Variants in TNIK observed in about 807,000 individuals in gnomAD.
The protein encoded by TNIK is TRAF2 and NCK interacting kinase, also known as TRAF2 and NCK-interacting protein kinase.
TNIK carries 49 observed loss-of-function variants against 191.3 expected under a neutral mutation model. The ratio of observed to expected loss-of-function variants is 0.26; its 90% CI spans 0.20 to 0.32. The LOEUF (loss-of-function observed/expected upper bound fraction) is 0.32. TNIK is among the 10% of genes least tolerant of loss of function. The pLI is 1.00. For synonymous variants in TNIK, 594 were observed against 600.9 expected, an observed-to-expected ratio of 0.99 and a Z score of 0.17; for missense variants, 1,155 against 1,702.3, an observed-to-expected ratio of 0.68 and a Z score of 5.66.
intron 12 of TNIK, among the ~76,000 whole-genome samples, chr3:171,141,664 T>G (rs1730856716): frequency 7.7e-6 from 1 of 130,128 alleles, no homozygotes. Context: ...AAACATCCTG[T>G]GCAAGGCACA....
Position 171,212,666 on chromosome 3 carries a change from G to A in TNIK, c.181-1425C>T, listed in dbSNP as rs538724335. Among the ~76,000 whole-genome samples, 7 of 152,280 alleles carry A rather than the reference G, an allele frequency of 4.6e-5. No individual in the cohort carries two copies. In the South Asian group the frequency reaches 8.3e-4, roughly 18 times the overall value. The stretch of plus-strand genomic sequence containing the variant: ...CTCTCCTTATCAGTCGGTAAGAACC[G>A]TAAACTCAGGAATCCTCCCTGTTTT... On this transcript the variant is annotated intron_variant, in intron 3 of 32. Transcript: ENST00000436636.
intron 2 of TNIK, among the ~76,000 whole-genome samples, chr3:171,351,503 A>T: frequency 6.6e-6 from 1 of 152,178 alleles, no homozygotes; most frequent in East Asian, 1.9e-4. Flanking sequence ...GTTGTTTTTG[A>T]GAGGAAAAGA....
intron 3 of TNIK, among the ~76,000 whole-genome samples, chr3:171,214,424 A>G (rs1346034915): frequency 6.6e-6 from 1 of 152,208 alleles, no homozygotes; most frequent in Non-Finnish European, 1.5e-5. Context: ...ACCTATCAGA[A>G]TTGCCACCCA....
In TNIK at chr3:171,232,740, G is replaced by C. The variant is rs146077905; in HGVS notation, c.124-4519C>G. On this transcript the variant is annotated intron_variant, in intron 2 of 32. Coordinates refer to ENST00000436636, the MANE Select transcript of TNIK (RefSeq NM_015028.4). ...TCAGACACACTTAAGAACCTACTCT[G>C]CTCCCCTCTTCCCTTCTTCTCCCTC... Among the ~76,000 whole-genome samples the C allele has an allele frequency of 9.5e-3, 1,400 of 147,006 alleles. 10 individuals are homozygous for C. Among genetic ancestry groups the C allele is most frequent in the Non-Finnish European group, 0.015 (1,030 of 67,894 alleles).
intron 1 of TNIK, among the ~76,000 whole-genome samples, chr3:171,396,939 C>T: frequency 6.6e-6 from 1 of 152,130 alleles, no homozygotes; most frequent in East Asian, 1.9e-4. Flanking sequence ...AATATCAATG[C>T]ATTAGGTACA....
chr3:171,177,042 A>C (rs1736046303), intron 8 of TNIK, among the ~76,000 whole-genome samples: 1 of 152,170 alleles, frequency 6.6e-6, no homozygotes, highest in Non-Finnish European at 1.5e-5. Context: ...GGAGTAGTCC[A>C]AGAATAAATG....
chr3:171,285,615 A>G (rs185063271), intron 2 of TNIK, among the ~76,000 whole-genome samples: 162 of 152,346 alleles, frequency 1.1e-3, no homozygotes, highest in African/African-American at 3.7e-3. Flanking sequence ...ACACCAAATC[A>G]GTATTATTAT....
intron 1 of TNIK, among the ~76,000 whole-genome samples, chr3:171,385,302 G>A (rs937973710): frequency 2.6e-5 from 4 of 152,070 alleles, no homozygotes. Context: ...GCAAACCTGG[G>A]GCCCTCTCAG....
chr3:171,255,160 A>T (rs1746693954), intron 2 of TNIK, among the ~76,000 whole-genome samples: 2 of 152,334 alleles, frequency 1.3e-5, no homozygotes, highest in South Asian at 4.1e-4. Context: ...TCTGATGCTG[A>T]TTCAATTTAG....
At chr3:171,293,308 A>T (rs1751899558) in intron 2 of TNIK, among the ~76,000 whole-genome samples, 2 of 152,236 alleles carry the variant, frequency 1.3e-5, no homozygotes, top group African/African-American at 4.8e-5. Flanking sequence ...TACAAGATTC[A>T]CAATGTATCT....
intron 4 of TNIK, among the ~76,000 whole-genome samples, chr3:171,210,030 A>G (rs548126614): frequency 1.6e-4 from 24 of 152,228 alleles, no homozygotes; most frequent in Non-Finnish European, 2.2e-4. Flanking sequence ...TTGCTAATTC[A>G]GTAAATTTTG....
At chr3:171,128,329 CA>C (rs1481824964) in intron 16 of TNIK, among the ~76,000 whole-genome samples, 5 of 152,224 alleles carry the variant, frequency 3.3e-5, no homozygotes, top group African/African-American at 1.2e-4. Flanking sequence ...GTTTCAGGCT[CA>C]TGCCAAAGTC....
intron 2 of TNIK, among the ~76,000 whole-genome samples, chr3:171,303,130 A>T (rs917837853): frequency 6.6e-6 from 1 of 152,234 alleles, no homozygotes; most frequent in Non-Finnish European, 1.5e-5. Context: ...CACGTAAAAA[A>T]TAATATTCCT....
At chr3:171,080,708 A>T (rs886776212) in intron 27 of TNIK, among the ~76,000 whole-genome samples, 7 of 152,168 alleles carry the variant, frequency 4.6e-5, no homozygotes, top group African/African-American at 1.7e-4. Context: ...CCCAAAAAAA[A>T]TGTTTTATAT....
Position 171,167,266 on chromosome 3 carries a change from T to C in TNIK, c.778A>G (p.Lys260Glu). The change falls in exon 10 of 33, where the codon AAA becomes GAA. Residue 260 changes from lysine (K) to glutamate (E), a missense_variant. This residue lies in a region of TNIK where 225 missense variants were observed against 438.9 expected (regional missense o/e 0.51). Coordinates refer to ENST00000436636, the MANE Select transcript of TNIK (RefSeq NM_015028.4). ...APRLKSKKWS[K>E]KFQSFIESCL... ...CTCTCAATAAATGACTGGAATTTTT[T>C]TGACCTGCCAAACAAAAGAAATGAA... is the stretch of plus-strand genomic sequence containing the variant. 1 of 1,611,102 alleles carries C rather than the reference T, an allele frequency of 6.2e-7. No individual in the cohort carries two copies. Among genetic ancestry groups the C allele is most frequent in the Non-Finnish European group, 8.5e-7 (1 of 1,178,366 alleles).
chr3:171,110,959 C>A, intron 18 of TNIK, 82 bp from the exon 19 acceptor site: 1 of 1,355,490 alleles, frequency 7.4e-7, no homozygotes, highest in Admixed American at 3.0e-5. Flanking sequence ...AGGTTTAATA[C>A]CCAAAATATG....
chr3:171,213,475 G>A (rs1015781757), intron 3 of TNIK, among the ~76,000 whole-genome samples: 3 of 152,016 alleles, frequency 2.0e-5, no homozygotes, highest in African/African-American at 4.8e-5. Flanking sequence ...AGTATTTACC[G>A]CTTGCCTCCT....
intron 3 of TNIK, among the ~76,000 whole-genome samples, chr3:171,227,198 T>G (rs1484995974): frequency 1.3e-5 from 2 of 152,188 alleles, no homozygotes; most frequent in African/African-American, 4.8e-5. Flanking sequence ...ATATTTTAAG[T>G]AGGCTTAGCA....
At chr3:171,084,604 A>G (rs530253228) in intron 25 of TNIK, among the ~76,000 whole-genome samples, 32 of 152,342 alleles carry the variant, frequency 2.1e-4, no homozygotes, top group African/African-American at 7.5e-4. Flanking sequence ...CCACTCTTGT[A>G]TATAGGCAAA....
Sources: gnomAD v4.1 joint callset for allele counts (sites outside exome capture counted in the v4.1 genomes callset) on GRCh38, gnomAD v4.1.1 for gene constraint, gnomAD v4.1.1 regional missense constraint, MANE v1.5 for transcripts, NCBI Gene and HGNC (gene_info 2026-07-23, HGNC 2026-07-21) for gene names.